KLF12: variants seen among roughly 807,000 people sequenced by gnomAD.
KLF12 encodes the protein Krueppel-like factor 12.
KLF12 carries 9 observed loss-of-function variants against 37.8 expected under a neutral mutation model. The ratio of observed to expected loss-of-function variants is 0.24; its 90% CI spans 0.14 to 0.42. KLF12 has a LOEUF of 0.42. Among genes scored for constraint, KLF12 ranks in the 10% least tolerant of loss-of-function variants. The pLI, the probability that KLF12 is intolerant of heterozygous loss-of-function variation, is 1.00. For missense variants in KLF12, 411 were observed against 516.0 expected (o/e 0.80, Z 1.97); for synonymous variants, 208 against 202.1 (o/e 1.03, Z -0.25).
At chr13:73,820,598 C>T (rs746928742) in intron 4 of KLF12, among the ~76,000 whole-genome samples, 4 of 152,168 alleles carry the variant, frequency 2.6e-5, no homozygotes, top group East Asian at 1.9e-4. Flanking sequence ...ACTGTGATGG[C>T]CATAACCCCA....
chr13:73,977,280 A>G (rs1458479880), intron 2 of KLF12, among the ~76,000 whole-genome samples: 1 of 152,042 alleles, frequency 6.6e-6, no homozygotes, highest in Non-Finnish European at 1.5e-5. Flanking sequence ...CCTGAGCTCA[A>G]AGTGATCTGC....
intron 1 of KLF12, among the ~76,000 whole-genome samples, chr13:74,110,300 C>G (rs1014548787): frequency 6.6e-6 from 1 of 152,204 alleles, no homozygotes; most frequent in Non-Finnish European, 1.5e-5. Flanking sequence ...ACCCACCCAT[C>G]AACGTGTGGC....
chr13:73,857,399 A>T (rs550611508), intron 3 of KLF12, among the ~76,000 whole-genome samples: 2 of 152,376 alleles, frequency 1.3e-5, no homozygotes, highest in South Asian at 2.1e-4. Context: ...TACTGAATGA[A>T]ATAATGACAT....
At chr13:73,780,658 C>G (rs1465282470) in intron 5 of KLF12, among the ~76,000 whole-genome samples, 6 of 152,292 alleles carry the variant, frequency 3.9e-5, no homozygotes, top group African/African-American at 1.4e-4. Flanking sequence ...GACAGGGTTT[C>G]TCCATGTTGG....
Position 73,929,655 on chromosome 13 carries a change from C to T in KLF12, c.123+14326G>A, listed in dbSNP as rs539044036. Among the ~76,000 whole-genome samples the T allele has an allele frequency of 1.1e-4, 16 of 152,262 alleles. No homozygotes were observed. In the South Asian group the frequency reaches 1.9e-3, roughly 18 times the overall value. On this transcript the variant is annotated intron_variant, in intron 3 of 7. Coordinates refer to ENST00000377669, the MANE Select transcript of KLF12 (RefSeq NM_007249.5). ...CAGGAACAACATGGGTGGGGCAAAGCGCAAGCACACTAGGTCTGCTCCAGT... is the reference window on the plus strand; with the variant it reads ...CAGGAACAACATGGGTGGGGCAAAGTGCAAGCACACTAGGTCTGCTCCAGT...
chr13:74,230,971 T>C, the KLF12 span, among the ~76,000 whole-genome samples: 39,975 of 152,022 alleles, frequency 0.26, 7,880 homozygotes, highest in African/African-American at 0.55. Context: ...GCTTAGTCAT[T>C]GGTCCTCATC....
chr13:74,160,757 G>A, the KLF12 span, among the ~76,000 whole-genome samples: 1 of 152,194 alleles, frequency 6.6e-6, no homozygotes, highest in Non-Finnish European at 1.5e-5. Context: ...AGGTTAGCAG[G>A]GAGGAAGAAT....
chr13:73,990,119 G>C (rs920740072), intron 2 of KLF12, among the ~76,000 whole-genome samples: 3 of 152,204 alleles, frequency 2.0e-5, no homozygotes, highest in Admixed American at 6.5e-5. Context: ...AGCACACTGA[G>C]TGAAATTAAA....
chr13:74,158,765 A>G, the KLF12 span, among the ~76,000 whole-genome samples: 2 of 152,202 alleles, frequency 1.3e-5, no homozygotes, highest in Non-Finnish European at 2.9e-5. Flanking sequence ...TAACATTAAT[A>G]GGGTGGGGTA....
intron 1 of KLF12, among the ~76,000 whole-genome samples, chr13:74,114,172 T>G (rs985937602): frequency 2.6e-5 from 4 of 152,156 alleles, no homozygotes; most frequent in Non-Finnish European, 5.9e-5. Flanking sequence ...TGAACACTGA[T>G]GAACTGCCAT....
intron 1 of KLF12, among the ~76,000 whole-genome samples, chr13:74,089,992 G>C (rs1875559411): frequency 6.6e-6 from 1 of 151,924 alleles, no homozygotes. Context: ...GATTGGAAAG[G>C]AAGAATAAAA....
In KLF12 at chr13:73,690,676, C is replaced by G. The variant is rs576676249; in HGVS notation, c.*4814G>C. 1 of 152,236 alleles carries G rather than the reference C, an allele frequency of 6.6e-6. No homozygotes were observed. The highest frequency in any genetic ancestry group is 1.5e-5 in the Non-Finnish European group (1 of 68,038). 9.4% of individuals were successfully genotyped at this position (152,236 alleles called of 1,614,324 possible). On this transcript the variant is annotated 3_prime_UTR_variant, in exon 8 of 8. Coordinates refer to ENST00000377669, the MANE Select transcript of KLF12 (RefSeq NM_007249.5). ...ACAGAGTTCCCATGGCAATTTCACT[C>G]ATTGTGTGTAAGATATACAAGGCAT...
At chr13:73,798,517 C>T (rs144188064) in intron 5 of KLF12, among the ~76,000 whole-genome samples, 5 of 152,214 alleles carry the variant, frequency 3.3e-5, no homozygotes, top group African/African-American at 7.2e-5. Context: ...GCAAACTATA[C>T]ATCTGACGAA....
intron 3 of KLF12, among the ~76,000 whole-genome samples, chr13:73,916,429 T>C (rs926470406): frequency 6.6e-5 from 10 of 152,262 alleles, no homozygotes; most frequent in African/African-American, 2.4e-4. Flanking sequence ...TGCCTCACTA[T>C]AGCAGAGGAG....
intron 1 of KLF12, among the ~76,000 whole-genome samples, chr13:74,013,547 C>G (rs1375188805): frequency 6.6e-6 from 1 of 152,116 alleles, no homozygotes; most frequent in Admixed American, 6.6e-5. Context: ...ACAAAAACAC[C>G]ATCTACATAT....
the KLF12 span, among the ~76,000 whole-genome samples, chr13:74,248,160 A>G: frequency 5.3e-5 from 8 of 152,228 alleles, no homozygotes; most frequent in African/African-American, 1.7e-4. Context: ...ATGTAGTTGT[A>G]TTCTGGTTTT....
chr13:73,852,562 C>T (rs1885386201), intron 3 of KLF12, among the ~76,000 whole-genome samples: 2 of 152,124 alleles, frequency 1.3e-5, no homozygotes, highest in South Asian at 2.1e-4. Context: ...CGGCGGATCA[C>T]TTGAGGTTAG....
the KLF12 span, among the ~76,000 whole-genome samples, chr13:74,172,849 A>T: frequency 2.6e-5 from 4 of 152,344 alleles, no homozygotes; most frequent in Admixed American, 1.3e-4. Context: ...TTGGGGTGGC[A>T]ATAAAAAATA....
At chr13:74,022,307 A>G (rs1200130485) in intron 1 of KLF12, among the ~76,000 whole-genome samples, 1 of 151,470 alleles carries the variant, frequency 6.6e-6, no homozygotes, top group Non-Finnish European at 1.5e-5. Flanking sequence ...TTCACTGCAA[A>G]CAGAATTTCA....
Sources: gnomAD v4.1 joint callset for allele counts (sites outside exome capture counted in the v4.1 genomes callset) on GRCh38, gnomAD v4.1.1 for gene constraint, MANE v1.5 for transcripts, NCBI Gene and HGNC (gene_info 2026-07-23, HGNC 2026-07-21) for gene names.